Variants in DUOX1 observed in about 807,000 individuals in gnomAD.
The protein encoded by DUOX1 is dual oxidase 1.
A neutral mutation model predicts 181.8 loss-of-function variants in DUOX1; 134 were observed. The observed-to-expected ratio is 0.74, with a 90% confidence interval of 0.64 to 0.85. DUOX1 has a LOEUF of 0.85. Among genes scored for constraint, DUOX1 ranks in the 40% least tolerant of loss-of-function variants. The pLI is 0.00. For synonymous variants in DUOX1, 798 were observed against 832.5 expected (o/e 0.96, Z 0.71); for missense variants, 1,814 against 2,064.4 (o/e 0.88, Z 2.35).
At chr15:45,164,020 G>A in intron 33 of DUOX1, 102 bp downstream of exon 33, 1 of 1,512,072 alleles carries the variant, frequency 6.6e-7, no homozygotes, top group African/African-American at 1.4e-5. Context: ...CTGCTGATGA[G>A]AACCCATCCC....
At position 45,151,984 on chromosome 15, in the gene DUOX1, G is replaced by T. The variant is rs1360313704; in HGVS notation, c.3125G>T (p.Arg1042Leu). The change falls in exon 24 of 34, where the codon CGG becomes CTG. Residue 1042 changes from arginine (R) to leucine (L), a missense_variant. Physicochemically the swap from Arg to Leu is moderately radical, Grantham distance 102. This residue lies in a region of DUOX1 where 1,064 missense variants were observed against 1,152.9 expected (regional missense o/e 0.92). Transcript: ENST00000389037. ...TTCAAGCGCTTCATTGAGAACTACC[G>T]GCGCCACATCGGCTGCGTGGCCGTG... ...QQFKRFIENY[R>L]RHIGCVAVFY... The T allele has an allele frequency of 6.2e-7, 1 of 1,613,950 alleles. No individual in the cohort carries two copies. Among genetic ancestry groups the T allele is most frequent in the African/African-American group, 1.3e-5 (1 of 74,902 alleles).
At position 45,134,185 on chromosome 15, in the gene DUOX1, T is replaced by C; in HGVS notation, c.183T>C (p.Asp61=). 6.4e-7 allele frequency: 1 copy of C among 1,556,402 alleles called. No homozygotes were observed. Among genetic ancestry groups the C allele is most frequent in the Non-Finnish European group, 8.6e-7 (1 of 1,156,138 alleles). ...GCCTGGTCCCAGCCAGCTATGCAGA[T>C]GGCGTGTACCAGCCCTTGGGAGAAC... The part of the protein sequence containing the change: ...LQRLVPASYA[D]GVYQPLGEPH... The change falls in exon 4 of 34, where the codon GAT becomes GAC. Residue 61 remains aspartate, a synonymous_variant. Transcript: ENST00000389037.
intron 3 of DUOX1, 83 bp downstream of exon 3, chr15:45,134,030 A>G: frequency 6.3e-7 from 1 of 1,577,378 alleles, no homozygotes; most frequent in Non-Finnish European, 8.6e-7. Flanking sequence ...AAGTACCAGC[A>G]AAGGCCATCC....
intron 30 of DUOX1, 32 bp downstream of exon 30, chr15:45,162,002 G>A (rs780236781): frequency 1.3e-5 from 20 of 1,573,490 alleles, no homozygotes; most frequent in Admixed American, 1.1e-4. Context: ...TGCCACATGC[G>A]CCCATATCCC....
At chr15:45,153,289 C>CAGAGA in intron 25 of DUOX1, 91 bp from the exon 26 acceptor site, 1 of 909,684 alleles carries the variant, frequency 1.1e-6, no homozygotes, top group South Asian at 1.3e-5. Context: ...CTGGGACCCC[C>CAGAGA]ACTCTGGCCA....
intron 1 of DUOX1, among the ~76,000 whole-genome samples, chr15:45,130,738 C>T (rs1896100287): frequency 6.6e-6 from 1 of 152,218 alleles, no homozygotes; most frequent in South Asian, 2.1e-4. Flanking sequence ...CCCACACAGC[C>T]TGGTCTGAAA....
At chr15:45,160,699 C>T (rs1307108025) in intron 28 of DUOX1, 138 bp from the exon 29 acceptor site, 2 of 970,764 alleles carry the variant, frequency 2.1e-6, no homozygotes, top group South Asian at 2.7e-5. Flanking sequence ...GGTTTTGCAA[C>T]CTAGAAGGAG....
At chr15:45,142,435 A>C (rs1896522147) in intron 15 of DUOX1, among the ~76,000 whole-genome samples, 1 of 152,162 alleles carries the variant, frequency 6.6e-6, no homozygotes, top group African/African-American at 2.4e-5. Context: ...GTTTAAGAAC[A>C]AGGGCTAAGA....
chr15:45,148,704 G>GC (rs1320758744), intron 21 of DUOX1: 1 of 187,120 alleles, frequency 5.3e-6, no homozygotes, highest in African/African-American at 2.4e-5. Flanking sequence ...AGTGCCTAGG[G>GC]CCCAGGAAAG....
rs758409879 is a variant in DUOX1, at chr15:45,150,667, C to T, written c.2854C>T (p.Arg952Trp). ...GCCTGAAGTCATCAAGGACCTCTGC[C>T]GGCGAGCCTCCTACATCAGCCAGGA... ...EVPEVIKDLC[R>W]RASYISQDMI... Residue 952 changes from arginine to tryptophan, a missense_variant, in exon 22 of 34, where the codon CGG becomes TGG. This residue lies in a region of DUOX1 where 1,064 missense variants were observed against 1,152.9 expected (regional missense o/e 0.92). Transcript: ENST00000389037. 23 of 1,613,850 alleles carry T rather than the reference C, an allele frequency of 1.4e-5. No homozygotes were observed. The highest frequency in any genetic ancestry group is 1.2e-4 in the Admixed American group (7 of 60,008).
chr15:45,153,333 C>T, intron 25 of DUOX1, 47 bp from the exon 26 acceptor site: 1 of 1,539,974 alleles, frequency 6.5e-7, no homozygotes, highest in Non-Finnish European at 9.0e-7. Context: ...GAGTGAGCAC[C>T]CACCCTGGGC....
At chr15:45,156,178 A>G (rs1896965315) in intron 28 of DUOX1, among the ~76,000 whole-genome samples, 2 of 152,092 alleles carry the variant, frequency 1.3e-5, no homozygotes, top group African/African-American at 2.4e-5. Flanking sequence ...ACTGATCTCC[A>G]TTCCTCGCAG....
intron 14 of DUOX1, 129 bp downstream of exon 14, chr15:45,141,539 C>A: frequency 9.6e-7 from 1 of 1,045,538 alleles, no homozygotes; most frequent in Non-Finnish European, 1.5e-6. Flanking sequence ...TGTGGTTCTG[C>A]CCTTGGGAAC....
chr15:45,138,712 T>C, intron 10 of DUOX1: 1 of 211,282 alleles, frequency 4.7e-6, no homozygotes, highest in Non-Finnish European at 9.3e-6. Context: ...GGAAACTGAG[T>C]TCAGAGAGGG....
Position 45,143,270 on chromosome 15 carries a change from A to C in DUOX1, c.1903A>C (p.Ile635Leu). 1 of 1,614,114 alleles carries C rather than the reference A, an allele frequency of 6.2e-7. No individual in the cohort carries two copies. Among genetic ancestry groups the C allele is most frequent in the Non-Finnish European group, 8.5e-7 (1 of 1,180,012 alleles). ...GCTCCAGGGCCAGGACCGCCAGAGCATCGTGTCTGAGAAGCTCGTGGGAGG... is the reference window on the plus strand; with the variant it reads ...GCTCCAGGGCCAGGACCGCCAGAGCCTCGTGTCTGAGAAGCTCGTGGGAGG... ...KRLQGQDRQS[I>L]VSEKLVGGME... Residue 635 changes from isoleucine (I) to leucine (L), a missense_variant, in exon 16 of 34, where the codon ATC (isoleucine) becomes CTC (leucine). Coordinates refer to ENST00000389037, the MANE Select transcript of DUOX1 (RefSeq NM_175940.3).
intron 9 of DUOX1, 61 bp from the exon 10 acceptor site, chr15:45,137,863 T>C (rs754759662): frequency 5.1e-6 from 7 of 1,382,590 alleles, no homozygotes; most frequent in Non-Finnish European, 7.0e-6. Context: ...AGACCAGAAC[T>C]GATGCCTGAC....
In DUOX1 at chr15:45,138,009, C is replaced by T. The variant is rs761575372; in HGVS notation, c.1108C>T (p.Arg370Cys). Reference sequence around the variant, plus strand: ...CCGGGTCTGCAACAGCTACTGGAGCCGTGAGGTCCGAGCTGGGGGCCACAT... The same window carrying T: ...CCGGGTCTGCAACAGCTACTGGAGCTGTGAGGTCCGAGCTGGGGGCCACAT... ...ALRVCNSYWS[R>C]EHPSLQSAED... Residue 370 changes from arginine (R) to cysteine (C), a missense_variant, in exon 10 of 34, where the codon CGT (arginine) becomes TGT (cysteine). Arg to Cys is a radical substitution (Grantham distance 180, BLOSUM62 -3). Transcript: ENST00000389037. 1.5e-5 allele frequency: 24 copies of T among 1,604,390 alleles called. No individual in the cohort carries two copies. Among genetic ancestry groups the T allele is most frequent in the Admixed American group, 5.1e-5 (3 of 59,320 alleles).
intron 30 of DUOX1, 50 bp from the exon 31 acceptor site, chr15:45,162,169 G>C: frequency 2.5e-6 from 4 of 1,572,268 alleles, no homozygotes; most frequent in Non-Finnish European, 1.7e-6. Context: ...TCTGGCTTCC[G>C]ATCTATGGTG....
intron 2 of DUOX1, among the ~76,000 whole-genome samples, chr15:45,132,313 G>A (rs1896177016): frequency 2.0e-5 from 3 of 152,118 alleles, no homozygotes; most frequent in Non-Finnish European, 2.9e-5. Flanking sequence ...CTCTTCTCTT[G>A]TTTTCCATAA....
Sources: allele counts gnomAD v4.1 joint callset (sites outside exome capture counted in the v4.1 genomes callset), GRCh38; gene constraint gnomAD v4.1.1; regional missense constraint gnomAD v4.1.1; transcripts MANE v1.5; gene names NCBI Gene and HGNC (gene_info 2026-07-23, HGNC 2026-07-21).